The following PKHD1 variants were observed in gnomAD, a reference collection of about 807,000 sequenced individuals.
PKHD1 encodes the protein fibrocystin.
PKHD1 carries 291 observed loss-of-function variants against 412.0 expected under a neutral mutation model. That is an observed-to-expected ratio of 0.71 (90% CI 0.64 to 0.78). The LOEUF is 0.78. PKHD1 is among the 30% of genes least tolerant of loss of function. The pLI is 0.00. For missense variants in PKHD1, 4,825 were observed against 4,950.7 expected (o/e 0.97, Z 0.76); for synonymous variants, 1,777 against 1,821.5 (o/e 0.98, Z 0.62).
chr6:51,926,757 T>C (rs538870100), intron 37 of PKHD1, among the ~76,000 whole-genome samples: 11 of 152,346 alleles, frequency 7.2e-5, no homozygotes, highest in Admixed American at 7.2e-4. Context: ...CAGACACATA[T>C]CTGCCACTGT....
At chr6:51,701,035 C>T (rs1779347138) in intron 60 of PKHD1, among the ~76,000 whole-genome samples, 1 of 152,090 alleles carries the variant, frequency 6.6e-6, no homozygotes, top group African/African-American at 2.4e-5. Flanking sequence ...CCCACCTTAT[C>T]CTGGCAGCTG....
At chr6:51,883,970 G>A (rs1267222075) in intron 45 of PKHD1, among the ~76,000 whole-genome samples, 1 of 152,228 alleles carries the variant, frequency 6.6e-6, no homozygotes, top group African/African-American at 2.4e-5. Flanking sequence ...GAAGATGCTG[G>A]CCTCTCAATC....
At chr6:51,854,490 G>A (rs970736080) in intron 49 of PKHD1, among the ~76,000 whole-genome samples, 5 of 152,152 alleles carry the variant, frequency 3.3e-5, no homozygotes, top group Admixed American at 2.0e-4. Context: ...AAACCCACTC[G>A]TCTGGGCTGC....
At chr6:51,765,848 T>G (rs1403699384) in intron 55 of PKHD1, among the ~76,000 whole-genome samples, 3 of 152,114 alleles carry the variant, frequency 2.0e-5, no homozygotes, top group Non-Finnish European at 4.4e-5. Context: ...CCTCAGATAT[T>G]TGCTTAATAA....
At position 52,022,835 on chromosome 6, in the gene PKHD1, C is replaced by T; in HGVS notation, c.5346G>A (p.Val1782=). ...APCRVLANAT[V]SAFSCLVLPL... is the part of the protein sequence containing the mutation. Reference sequence around the variant, plus strand: ...GCAGAACCAAGCAGCTGAAGGCAGACACTGTAGCATTAGCCAGGACTCGGC... The same window carrying T: ...GCAGAACCAAGCAGCTGAAGGCAGATACTGTAGCATTAGCCAGGACTCGGC... Residue 1782 remains valine (V), a synonymous_variant, in exon 33 of 67, where the codon GTG becomes GTA. Coordinates refer to ENST00000371117, the MANE Select transcript of PKHD1 (RefSeq NM_138694.4). 1 of 1,614,088 alleles carries T rather than the reference C, an allele frequency of 6.2e-7. No individual in the cohort carries two copies. The highest frequency in any genetic ancestry group is 8.5e-7 in the Non-Finnish European group (1 of 1,180,006).
intron 60 of PKHD1, among the ~76,000 whole-genome samples, chr6:51,673,446 T>G (rs1228812755): frequency 6.6e-6 from 1 of 152,234 alleles, no homozygotes; most frequent in Non-Finnish European, 1.5e-5. Flanking sequence ...CTCTACCAAA[T>G]TGAAGTTATG....
rs561732808 is a variant in PKHD1, at chr6:51,831,993, C to T, written c.8174-1004G>A. The stretch of plus-strand genomic sequence containing the variant: ...GTCTCAAAAGGGTAGAATGAAAAGG[C>T]CTCCTCTTTTGAGGGGAGGGAGGGA... On this transcript the variant is annotated intron_variant, in intron 51 of 66. Coordinates refer to ENST00000371117, the MANE Select transcript of PKHD1 (RefSeq NM_138694.4). 1.6e-4 allele frequency among the ~76,000 whole-genome samples: 25 copies of T among 152,176 alleles called. No individual in the cohort carries two copies. The South Asian group carries it at 4.6e-3, about 28-fold the overall frequency.
intron 61 of PKHD1, among the ~76,000 whole-genome samples, chr6:51,657,931 A>G (rs994367090): frequency 2.0e-5 from 3 of 151,968 alleles, no homozygotes; most frequent in Non-Finnish European, 4.4e-5. Flanking sequence ...CAATAAACTG[A>G]CTCTCTTTCT....
Position 51,912,435 on chromosome 6 carries a change from T to C in PKHD1, c.6263A>G (p.Lys2088Arg), listed in dbSNP as rs769590135. The C allele has an allele frequency of 1.9e-6, 3 of 1,613,278 alleles. No individual in the cohort carries two copies. Among genetic ancestry groups the C allele is most frequent in the East Asian group, 2.2e-5 (1 of 44,854 alleles). Reference sequence around the variant, plus strand: ...CACAGTGACAATCTCTTCCATCGGTTTGGCACCTTTAACACCTGTTCCACT... The same window carrying C: ...CACAGTGACAATCTCTTCCATCGGTCTGGCACCTTTAACACCTGTTCCACT... ...IISGTGVKGA[K>R]PMEEIVTVET... The change falls in exon 38 of 67, where the codon AAA (lysine) becomes AGA (arginine). Residue 2088 changes from lysine (K) to arginine (R), a missense_variant. Transcript: ENST00000371117.
chr6:52,053,672 A>G (rs1346167364), intron 20 of PKHD1, among the ~76,000 whole-genome samples: 1 of 152,238 alleles, frequency 6.6e-6, no homozygotes, highest in Non-Finnish European at 1.5e-5. Flanking sequence ...CAAGGGATCA[A>G]GACAGCTGAA....
intron 31 of PKHD1, among the ~76,000 whole-genome samples, chr6:52,027,298 G>T (rs189560890): frequency 6.6e-6 from 1 of 151,534 alleles, no homozygotes; most frequent in Admixed American, 6.6e-5. Flanking sequence ...TTAGGAGGCC[G>T]AGGTGGGCAG....
intron 37 of PKHD1, among the ~76,000 whole-genome samples, chr6:51,915,117 T>C (rs1783570177): frequency 6.6e-6 from 1 of 152,032 alleles, no homozygotes; most frequent in Middle Eastern, 3.4e-3. Flanking sequence ...ACAGAGAAGA[T>C]ATGGGGTCAA....
chr6:52,067,025 T>G (rs534838643), intron 11 of PKHD1, among the ~76,000 whole-genome samples: 1 of 152,352 alleles, frequency 6.6e-6, no homozygotes, highest in Admixed American at 6.5e-5. Context: ...TTTCTAAGAT[T>G]CATTCCCTCC....
At chr6:51,897,087 C>A (rs1307606117) in intron 43 of PKHD1, among the ~76,000 whole-genome samples, 4 of 151,946 alleles carry the variant, frequency 2.6e-5, no homozygotes, top group Non-Finnish European at 2.9e-5. Flanking sequence ...GGAAAACACT[C>A]TGCAGGATAT....
intron 37 of PKHD1, among the ~76,000 whole-genome samples, chr6:51,921,293 T>C (rs1001972950): frequency 1.3e-5 from 2 of 152,118 alleles, no homozygotes; most frequent in African/African-American, 4.8e-5. Flanking sequence ...GCTATAAAGA[T>C]CTGTTGTTAG....
intron 14 of PKHD1, among the ~76,000 whole-genome samples, chr6:52,061,447 G>A (rs1049483762): frequency 6.6e-6 from 1 of 152,038 alleles, no homozygotes; most frequent in East Asian, 1.9e-4. Context: ...GGGATTACAG[G>A]CTCAAGCCAT....
At chr6:51,771,206 AC>A (rs1429043960) in intron 55 of PKHD1, among the ~76,000 whole-genome samples, 1 of 151,268 alleles carries the variant, frequency 6.6e-6, no homozygotes, top group African/African-American at 2.4e-5. Context: ...GGATACACAC[AC>A]ACACACACAC....
chr6:51,817,179 G>A (rs922279203), intron 52 of PKHD1, among the ~76,000 whole-genome samples: 3 of 151,988 alleles, frequency 2.0e-5, no homozygotes, highest in Admixed American at 6.6e-5. Flanking sequence ...TTTTCTCTAG[G>A]AGCATTTAGA....
At chr6:52,058,238 G>T in intron 16 of PKHD1, 85 bp downstream of exon 16, 1 of 1,361,970 alleles carries the variant, frequency 7.3e-7, no homozygotes, top group African/African-American at 1.4e-5. Context: ...CCCTCAGGTC[G>T]CCAGACTCCC....
Sources: allele counts gnomAD v4.1 joint callset (sites outside exome capture counted in the v4.1 genomes callset), GRCh38; gene constraint gnomAD v4.1.1; transcripts MANE v1.5; gene names NCBI Gene and HGNC (gene_info 2026-07-23, HGNC 2026-07-21).